ZNF341: variants seen among roughly 807,000 people sequenced by gnomAD.
ZNF341 encodes the protein zinc finger protein 341.
ZNF341 carries 52 observed loss-of-function variants against 87.7 expected under a neutral mutation model. The observed-to-expected ratio is 0.59, with a 90% CI of 0.47 to 0.75. The LOEUF is 0.75. Ranked by LOEUF, ZNF341 falls within the 30% of genes least tolerant of loss-of-function variation. The pLI is 0.00. For missense variants in ZNF341, 977 were observed against 1,145.9 expected (o/e 0.85, Z 2.13); for synonymous variants, 459 against 472.7 (o/e 0.97, Z 0.38).
At chr20:33,762,230 G>A (rs1371739849) in intron 8 of ZNF341, among the ~76,000 whole-genome samples, 175 bp downstream of exon 8, 1 of 152,050 alleles carries the variant, frequency 6.6e-6, no homozygotes, top group Non-Finnish European at 1.5e-5. Context: ...TACAACATGT[G>A]TGGCATTACT....
At chr20:33,744,289 G>GAA (rs1184218765) in intron 2 of ZNF341, among the ~76,000 whole-genome samples, 2 of 95,502 alleles carry the variant, frequency 2.1e-5, no homozygotes, top group Admixed American at 2.1e-4. Context: ...CTCTCAGAAA[G>GAA]AAAAAAAAAA....
chr20:33,741,406 T>C (rs953908455), intron 2 of ZNF341, among the ~76,000 whole-genome samples: 67 of 151,252 alleles, frequency 4.4e-4, no homozygotes, highest in African/African-American at 1.5e-3. Context: ...TTTTTTTTTT[T>C]TCTTTTTTTT....
At chr20:33,742,378 G>A (rs530642165) in intron 2 of ZNF341, among the ~76,000 whole-genome samples, 33 of 152,166 alleles carry the variant, frequency 2.2e-4, no homozygotes, top group African/African-American at 7.0e-4. Flanking sequence ...TGTATTTTTA[G>A]TAGAGATGGG....
chr20:33,781,584 G>T (rs1037507484), intron 11 of ZNF341, among the ~76,000 whole-genome samples, 197 bp downstream of exon 11: 7 of 152,182 alleles, frequency 4.6e-5, no homozygotes, highest in African/African-American at 1.7e-4. Flanking sequence ...GCCATGTCGG[G>T]GCTGCTGCTG....
At position 33,752,109 on chromosome 20, in the gene ZNF341, C is replaced by CG. The variant is rs757072318; in HGVS notation, c.490-1063_490-1062insG. On this transcript the variant is annotated intron_variant, in intron 4 of 14. Transcript: ENST00000375200. The stretch of plus-strand genomic sequence containing the variant: ...GTCACGAGCTAGTGCTGCAAGCAAG[C>CG]CCCCCCCCCTTTTTTTTTAATTTTA... 6 of 171,980 alleles carry CG rather than the reference C, an allele frequency of 3.5e-5. No homozygotes were observed. In the East Asian group the frequency reaches 3.0e-3, roughly 85 times the overall value. The allele number at this position is 171,980 out of a possible 1,614,324, so 10.7% of individuals were successfully genotyped here.
chr20:33,745,211 C>T lies in ZNF341; in HGVS notation c.251C>T (p.Ala84Val), dbSNP rs1038634845. 6 of 1,614,212 alleles carry T rather than the reference C, an allele frequency of 3.7e-6. No individual in the cohort carries two copies. Among genetic ancestry groups the T allele is most frequent in the South Asian group, 2.2e-5 (2 of 91,088 alleles). Reference sequence around the variant, plus strand: ...TGCCAGGGGAATGCCCCCGCCCTGGCCACAGTCTCACTGGCCACCAACAGC... The same window carrying T: ...TGCCAGGGGAATGCCCCCGCCCTGGTCACAGTCTCACTGGCCACCAACAGC... ...EQCQGNAPAL[A>V]TVSLATNSIY... Residue 84 changes from alanine (A) to valine (V), a missense_variant, in exon 3 of 15, where the codon GCC becomes GTC. Ala to Val is a moderately conservative substitution (Grantham distance 64). Coordinates refer to ENST00000375200, the MANE Select transcript of ZNF341 (RefSeq NM_001282933.2).
chr20:33,785,490 A>G (rs1396432335), intron 12 of ZNF341, among the ~76,000 whole-genome samples: 1 of 151,898 alleles, frequency 6.6e-6, no homozygotes, highest in Admixed American at 6.6e-5. Flanking sequence ...GGCGCCCACC[A>G]CATGCCTGGC....
chr20:33,745,948 T>G (rs1016040388), intron 3 of ZNF341, among the ~76,000 whole-genome samples: 3 of 148,466 alleles, frequency 2.0e-5, no homozygotes, highest in African/African-American at 7.5e-5. Flanking sequence ...TTTTTTTTTT[T>G]GAGACGGAGT....
At chr20:33,742,615 C>CA (rs982161000) in intron 2 of ZNF341, among the ~76,000 whole-genome samples, 9 of 151,334 alleles carry the variant, frequency 5.9e-5, no homozygotes, top group African/African-American at 2.2e-4. Context: ...CATGCCTGGC[C>CA]AAAAAACTTC....
At position 33,788,613 on chromosome 20, in the gene ZNF341, C is replaced by T. The variant is rs369598513; in HGVS notation, c.1853-250C>T. 478 of 506,750 alleles carry T rather than the reference C, an allele frequency of 9.4e-4. 1 individual carries two copies. The highest frequency in any genetic ancestry group is 6.7e-3 in the East Asian group (182 of 27,158). 31.4% of individuals were successfully genotyped at this position (506,750 alleles called of 1,614,324 possible). ...GTACCTGCTTTCCCTGCTGCCCAGACCATCTCCCTGATGACCTGAGGTCTC... is the reference window on the plus strand; with the variant it reads ...GTACCTGCTTTCCCTGCTGCCCAGATCATCTCCCTGATGACCTGAGGTCTC... On this transcript the variant is annotated intron_variant, in intron 12 of 14. Transcript: ENST00000375200.
chr20:33,732,101 C>G lies in ZNF341; in HGVS notation c.31+49C>G, dbSNP rs2073574199. ...AGGCGGCTGTTCCGCGCTGCGCCCC[C>G]TCCCGCCGCGCCCTCGCAGCGCCCG... On this transcript the variant is annotated intron_variant, in intron 1 of 14. Transcript: ENST00000375200. This position sits in a 1 kb window ranked among gnomAD's most constrained non-coding sequence, Gnocchi z 4.5. 3 of 1,182,522 alleles carry G rather than the reference C, an allele frequency of 2.5e-6. No individual in the cohort carries two copies. The highest frequency in any genetic ancestry group is 3.1e-6 in the Non-Finnish European group (3 of 954,452). The allele number at this position is 1,182,522 out of a possible 1,614,324, so 73.3% of individuals were successfully genotyped here.
chr20:33,757,316 G>A lies in ZNF341; in HGVS notation c.910G>A (p.Ala304Thr), dbSNP rs201763709. 6.7e-5 allele frequency: 105 copies of A among 1,577,272 alleles called. No homozygotes were observed. The African/African-American group carries it at 1.2e-3, about 18-fold the overall frequency. ...DSPATLKTRRAKGARGLPEAA... is the reference protein window; with the variant it reads ...DSPATLKTRRTKGARGLPEAA... ...TCCAGCAACGCTGAAGACCCGACGA[G>A]CTAAAGGTGCCAGGGGACTCCCGGA... Residue 304 changes from alanine to threonine, a missense_variant, in exon 6 of 15, where the codon GCT becomes ACT. By Grantham distance (58) the Ala-to-Thr change is moderately conservative. Coordinates refer to ENST00000375200, the MANE Select transcript of ZNF341 (RefSeq NM_001282933.2).
Position 33,741,028 on chromosome 20 carries a change from G to A in ZNF341, c.142+16G>A. The A allele has an allele frequency of 6.2e-7, 1 of 1,610,078 alleles. No homozygotes were observed. The highest frequency in any genetic ancestry group is 8.5e-7 in the Non-Finnish European group (1 of 1,176,300). On this transcript the variant is annotated intron_variant, in intron 2 of 14. Coordinates refer to ENST00000375200, the MANE Select transcript of ZNF341 (RefSeq NM_001282933.2). ...CAGCCATTGGGTGAGTATCTGCTCA[G>A]GTTCACCGGTGGGAGAGTGAATGGC...
chr20:33,752,158 G>A (rs771882086), intron 4 of ZNF341: 15 of 460,932 alleles, frequency 3.3e-5, no homozygotes, highest in Non-Finnish European at 6.3e-5. Context: ...GGTATTTGAT[G>A]ATCAGCGATT....
intron 10 of ZNF341, among the ~76,000 whole-genome samples, chr20:33,776,260 T>C (rs1376303114): frequency 6.6e-6 from 1 of 151,822 alleles, no homozygotes; most frequent in Non-Finnish European, 1.5e-5. Flanking sequence ...CTGATTTTTT[T>C]TTTTAAACTT....
At chr20:33,739,827 T>A (rs930910926) in intron 1 of ZNF341, among the ~76,000 whole-genome samples, 3 of 152,130 alleles carry the variant, frequency 2.0e-5, no homozygotes, top group Non-Finnish European at 4.4e-5. Flanking sequence ...GATAGGAAGA[T>A]GGCTGTGTTC....
intron 4 of ZNF341, among the ~76,000 whole-genome samples, chr20:33,752,001 G>A (rs2019065661): frequency 6.6e-6 from 1 of 152,072 alleles, no homozygotes; most frequent in South Asian, 2.1e-4. Flanking sequence ...ACATAATCTG[G>A]TACAATAGAA....
chr20:33,740,807 C>T lies in ZNF341; in HGVS notation c.32-95C>T, dbSNP rs558205605. On this transcript the variant is annotated intron_variant, in intron 1 of 14. Coordinates refer to ENST00000375200, the MANE Select transcript of ZNF341 (RefSeq NM_001282933.2). ...ACAGGTCTGAGCCACCGTACCCAGC[C>T]GCCACAGGGGTTTTGCCTGGGTCTG... is the stretch of plus-strand genomic sequence containing the variant. 63 of 1,116,242 alleles carry T rather than the reference C, an allele frequency of 5.6e-5. No homozygotes were observed. The Admixed American group carries it at 1.0e-3, about 18-fold the overall frequency. The allele number at this position is 1,116,242 out of a possible 1,614,324, so 69.1% of individuals were successfully genotyped here.
chr20:33,780,266 A>G (rs1051727651), intron 10 of ZNF341, among the ~76,000 whole-genome samples: 1 of 152,128 alleles, frequency 6.6e-6, no homozygotes, highest in African/African-American at 2.4e-5. Context: ...CAAGGAGGCC[A>G]GGGTGGCCAG....
Sources: gnomAD v4.1 joint callset for allele counts (sites outside exome capture counted in the v4.1 genomes callset) on GRCh38, gnomAD v4.1.1 for gene constraint, Gnocchi (gnomAD v3.1) non-coding constraint, MANE v1.5 for transcripts, NCBI Gene and HGNC (gene_info 2026-07-23, HGNC 2026-07-21) for gene names.